The following MACO1 variants were observed in gnomAD, a reference collection of about 807,000 sequenced individuals.
MACO1 encodes macoilin.
In MACO1, 14 loss-of-function variants were observed where a neutral mutation model predicts 78.7. That is an observed-to-expected ratio of 0.18 (90% CI 0.12 to 0.28). The LOEUF (loss-of-function observed/expected upper bound fraction) is 0.28. Among genes scored for constraint, MACO1 ranks in the 10% least tolerant of loss-of-function variants. The pLI is 1.00. For missense variants in MACO1, 501 were observed against 799.0 expected, an observed-to-expected ratio of 0.63 and a Z score of 4.50; for synonymous variants, 288 against 291.6, an observed-to-expected ratio of 0.99 and a Z score of 0.12.
At chr1:25,464,663 C>T in intron 6 of MACO1, among the ~76,000 whole-genome samples, 1 of 95,278 alleles carries the variant, frequency 1.0e-5, no homozygotes, top group African/African-American at 3.2e-5. Context: ...TTCCCCCACC[C>T]CCCCCCTCCG....
At chr1:25,434,974 C>T (rs1353211974) in intron 1 of MACO1, among the ~76,000 whole-genome samples, 1 of 152,116 alleles carries the variant, frequency 6.6e-6, no homozygotes, top group Non-Finnish European at 1.5e-5. Flanking sequence ...ACTCCCTTCC[C>T]TCAGAGAATT....
At chr1:25,445,493 T>G (rs1043803773) in intron 1 of MACO1, among the ~76,000 whole-genome samples, 8 of 152,196 alleles carry the variant, frequency 5.3e-5, no homozygotes, top group African/African-American at 1.9e-4. Context: ...TCTTGACATC[T>G]CTTGCCTGAA....
intron 9 of MACO1, among the ~76,000 whole-genome samples, chr1:25,490,057 AC>A (rs1233682178): frequency 6.6e-6 from 1 of 152,202 alleles, no homozygotes; most frequent in Non-Finnish European, 1.5e-5. Flanking sequence ...GGCAGAAAAA[AC>A]AAAGAATAAA....
intron 1 of MACO1, among the ~76,000 whole-genome samples, chr1:25,442,854 A>G (rs769905756): frequency 1.1e-4 from 17 of 152,308 alleles, no homozygotes; most frequent in South Asian, 2.1e-4. Context: ...CCTTGTTTCA[A>G]TATATTATTT....
chr1:25,498,083 A>G (rs143019720), intron 10 of MACO1, among the ~76,000 whole-genome samples, 181 bp from the exon 11 acceptor site: 58 of 152,310 alleles, frequency 3.8e-4, no homozygotes, highest in African/African-American at 1.3e-3. Context: ...TACACTGTAT[A>G]TGGCCCACGA....
At chr1:25,473,061 C>T (rs965447642) in intron 6 of MACO1, among the ~76,000 whole-genome samples, 1 of 152,120 alleles carries the variant, frequency 6.6e-6, no homozygotes, top group Non-Finnish European at 1.5e-5. Context: ...AGTGTGTTTT[C>T]TGTCTCTGTG....
chr1:25,454,284 G>A lies in MACO1; in HGVS notation c.375G>A (p.Val125=). 6.2e-7 allele frequency: 1 copy of A among 1,605,474 alleles called. No homozygotes were observed. Among genetic ancestry groups the A allele is most frequent in the Non-Finnish European group, 8.5e-7 (1 of 1,176,370 alleles). The change falls in exon 4 of 11, where the codon GTG becomes GTA. Residue 125 remains valine, a synonymous_variant. Coordinates refer to ENST00000374343, the MANE Select transcript of MACO1 (RefSeq NM_018202.6). The part of the protein sequence containing the change: ...HTERGVCLPT[V]SLWILFVYIE... ...AAAGGGGAGTGTGTTTGCCTACAGT[G>A]TCTCTCTGGATCCTCTTTGTTTATA...
Position 25,431,137 on chromosome 1 carries a change from C to G in MACO1, c.39C>G (p.Arg13=), listed in dbSNP as rs2042860734. ...ACGCCGACTGCAGTAAGCTCCGCCGCCCCCTAAAGCGGAACCGGATCACCG... is the reference window on the plus strand; with the variant it reads ...ACGCCGACTGCAGTAAGCTCCGCCGGCCCCTAAAGCGGAACCGGATCACCG... ...RRNADCSKLR[R]PLKRNRITEG... is the part of the protein sequence containing the mutation. Residue 13 remains arginine, a synonymous_variant, in exon 1 of 11, where the codon CGC becomes CGG. Coordinates refer to ENST00000374343, the MANE Select transcript of MACO1 (RefSeq NM_018202.6). 6.3e-7 allele frequency: 1 copy of G among 1,598,496 alleles called. No homozygotes were observed. The highest frequency in any genetic ancestry group is 1.4e-5 in the African/African-American group (1 of 72,778).
intron 6 of MACO1, among the ~76,000 whole-genome samples, chr1:25,472,462 G>T (rs2043282426): frequency 1.3e-5 from 2 of 151,958 alleles, no homozygotes; most frequent in South Asian, 4.2e-4. Flanking sequence ...AGAACATGCG[G>T]TGTTTGGTTT....
intron 10 of MACO1, 50 bp from the exon 11 acceptor site, chr1:25,498,214 T>A (rs1218078049): frequency 6.3e-7 from 1 of 1,599,166 alleles, no homozygotes; most frequent in African/African-American, 1.3e-5. Context: ...GGGGACATTG[T>A]GTTGGGTGAG....
rs2043019295 is a variant in MACO1, at chr1:25,446,852, A to G, written c.171A>G (p.Pro57=). The G allele has an allele frequency of 1.9e-6, 3 of 1,613,878 alleles. No homozygotes were observed. The highest frequency in any genetic ancestry group is 2.5e-6 in the Non-Finnish European group (3 of 1,179,930). The change falls in exon 2 of 11, where the codon CCA becomes CCG. Residue 57 remains proline (P), a synonymous_variant. Coordinates refer to ENST00000374343, the MANE Select transcript of MACO1 (RefSeq NM_018202.6). ...VLEFRFEYLW[P]FWLFIRSVYD... ...AGTTCAGATTTGAATACCTGTGGCCATTCTGGCTTTTCATCAGAAGCGTCT... is the reference window on the plus strand; with the variant it reads ...AGTTCAGATTTGAATACCTGTGGCCGTTCTGGCTTTTCATCAGAAGCGTCT...
chr1:25,480,859 A>AGG (rs2043365519), intron 6 of MACO1, among the ~76,000 whole-genome samples: 1 of 140,820 alleles, frequency 7.1e-6, no homozygotes, highest in Admixed American at 7.6e-5. Context: ...TGAACCCAGG[A>AGG]GGGGGAGATT....
intron 6 of MACO1, among the ~76,000 whole-genome samples, chr1:25,468,508 A>T (rs1422171371): frequency 6.6e-6 from 1 of 152,176 alleles, no homozygotes; most frequent in Non-Finnish European, 1.5e-5. Context: ...GCTCCTAGAA[A>T]TTTTGAAGCC....
At chr1:25,450,619 A>G (rs1192798665) in intron 3 of MACO1, among the ~76,000 whole-genome samples, 2 of 152,236 alleles carry the variant, frequency 1.3e-5, no homozygotes, top group African/African-American at 4.8e-5. Context: ...TGTAGAAGAC[A>G]CAGTTGAGCT....
Position 25,454,393 on chromosome 1 carries a change from C to A in MACO1, c.473+11C>A. ...ATTTGCTGCTCACTGGTAAGTATTA[C>A]ATAAATGTATGTGTGTGTGTGTGTA... is the stretch of plus-strand genomic sequence containing the variant. On this transcript the variant is annotated intron_variant, in intron 4 of 10. Coordinates refer to ENST00000374343, the MANE Select transcript of MACO1 (RefSeq NM_018202.6). 1 of 1,548,842 alleles carries A rather than the reference C, an allele frequency of 6.5e-7. No homozygotes were observed. Among genetic ancestry groups the A allele is most frequent in the Non-Finnish European group, 8.7e-7 (1 of 1,145,380 alleles).
chr1:25,475,346 A>AAAAC (rs530554524), intron 6 of MACO1, among the ~76,000 whole-genome samples: 1 of 152,168 alleles, frequency 6.6e-6, no homozygotes, highest in Non-Finnish European at 1.5e-5. Flanking sequence ...CTCGGTCTCA[A>AAAAC]AAACAAACAA....
At chr1:25,459,487 A>AT (rs67989933) in intron 6 of MACO1, among the ~76,000 whole-genome samples, 70,195 of 146,314 alleles carry the variant, frequency 0.48, 16,974 homozygotes, top group East Asian at 0.72. Context: ...AATTAAAAGA[A>AT]TTTTTTTTTT....
chr1:25,491,258 A>G lies in MACO1; in HGVS notation c.1618-152A>G, dbSNP rs1047791083. On this transcript the variant is annotated intron_variant, in intron 9 of 10. Transcript: ENST00000374343. ...TATGTGCTTATTGCCATATAAACAC[A>G]TTTAGCACTTGCCTAAACCCATGAA... is the stretch of plus-strand genomic sequence containing the variant. 3 of 902,774 alleles carry G rather than the reference A, an allele frequency of 3.3e-6. No individual in the cohort carries two copies. In the East Asian group the frequency reaches 8.0e-5, roughly 24 times the overall value. 55.9% of individuals were successfully genotyped at this position (902,774 alleles called of 1,614,324 possible).
intron 10 of MACO1, among the ~76,000 whole-genome samples, chr1:25,492,342 G>A (rs1426005955): frequency 1.3e-5 from 2 of 152,190 alleles, no homozygotes; most frequent in Non-Finnish European, 2.9e-5. Context: ...ATAAAGCCAT[G>A]GCGAGACAGA....
Sources: gnomAD v4.1 joint callset for allele counts (sites outside exome capture counted in the v4.1 genomes callset) on GRCh38, gnomAD v4.1.1 for gene constraint, MANE v1.5 for transcripts, NCBI Gene and HGNC (gene_info 2026-07-23, HGNC 2026-07-21) for gene names.